The following SCAPER variants were observed in gnomAD, a reference collection of about 807,000 sequenced individuals.
SCAPER encodes the protein S-phase cyclin A associated protein in the ER.
In SCAPER, 98 loss-of-function variants were observed where a neutral mutation model predicts 182.2. The ratio of observed to expected loss-of-function variants is 0.54; its 90% CI spans 0.46 to 0.64. The LOEUF is 0.64. Among genes scored for constraint, SCAPER ranks in the 30% least tolerant of loss-of-function variants. The probability of loss-of-function intolerance (pLI) is 0.00; values close to 1 mark genes in which losing one functional copy is unlikely to be tolerated. For synonymous variants in SCAPER, 605 were observed against 564.6 expected, an observed-to-expected ratio of 1.07 and a Z score of -1.01; for missense variants, 1,432 against 1,690.0, an observed-to-expected ratio of 0.85 and a Z score of 2.68.
At chr15:76,788,085 A>G (rs2064743892) in intron 8 of SCAPER, among the ~76,000 whole-genome samples, 1 of 152,240 alleles carries the variant, frequency 6.6e-6, no homozygotes, top group African/African-American at 2.4e-5. Context: ...ATCATGTTCA[A>G]CATCATTAGT....
Position 76,469,667 on chromosome 15 carries a change from A to G in SCAPER, c.3078+1545T>C, listed in dbSNP as rs79755949. Among the ~76,000 whole-genome samples the G allele has an allele frequency of 7.9e-3, 1,207 of 152,170 alleles. 5 individuals carry two copies. Among genetic ancestry groups the G allele is most frequent in the Middle Eastern group, 0.014 (4 of 294 alleles). ...ATGTCCCCCAACTTGGGTATGATAC[A>G]CCTAGGTCTGATTCTTGGCTTTCTG... On this transcript the variant is annotated intron_variant, in intron 25 of 31. Transcript: ENST00000563290.
intron 23 of SCAPER, among the ~76,000 whole-genome samples, chr15:76,554,301 T>A (rs933903786): frequency 6.6e-6 from 1 of 152,054 alleles, no homozygotes; most frequent in Non-Finnish European, 1.5e-5. Flanking sequence ...CATTAGAGAA[T>A]GAACAAAACC....
chr15:76,713,692 G>A (rs958400322), intron 17 of SCAPER, among the ~76,000 whole-genome samples: 2 of 151,818 alleles, frequency 1.3e-5, no homozygotes, highest in Non-Finnish European at 2.9e-5. Context: ...TGACGAGTTA[G>A]TGGGTGCAGC....
chr15:76,782,143 TC>T (rs142670942), intron 8 of SCAPER, among the ~76,000 whole-genome samples: 167 of 152,086 alleles, frequency 1.1e-3, no homozygotes, highest in Non-Finnish European at 2.2e-3. Flanking sequence ...AGGAGACCCA[TC>T]TCATGTGCAG....
intron 25 of SCAPER, among the ~76,000 whole-genome samples, chr15:76,453,912 C>T (rs2048545277): frequency 6.6e-6 from 1 of 152,164 alleles, no homozygotes; most frequent in Admixed American, 6.5e-5. Context: ...GATCAGTTAT[C>T]ATCTGTGTCT....
intron 24 of SCAPER, among the ~76,000 whole-genome samples, chr15:76,478,952 A>G (rs1259759685): frequency 6.6e-6 from 1 of 152,120 alleles, no homozygotes; most frequent in Non-Finnish European, 1.5e-5. Context: ...GTTTTATTCA[A>G]TGGAATTCCT....
At chr15:76,726,156 A>ATATATAATATATATATATAT (rs56986282) in intron 17 of SCAPER, among the ~76,000 whole-genome samples, 1 of 79,724 alleles carries the variant, frequency 1.3e-5, no homozygotes, top group Non-Finnish European at 2.3e-5. Context: ...TATATATATA[A>ATATATAATATATATATATAT]AAAACTCTAT....
chr15:76,891,721 T>C (rs1357963544), intron 1 of SCAPER, among the ~76,000 whole-genome samples: 2 of 152,170 alleles, frequency 1.3e-5, no homozygotes, highest in African/African-American at 4.8e-5. Flanking sequence ...ATCAATTTCA[T>C]GAAAATGGCC....
At chr15:76,641,700 C>A (rs2054119366) in intron 21 of SCAPER, among the ~76,000 whole-genome samples, 1 of 152,136 alleles carries the variant, frequency 6.6e-6, no homozygotes, top group Non-Finnish European at 1.5e-5. Flanking sequence ...GAAAAGGAGG[C>A]ACTGGGGGTC....
intron 17 of SCAPER, among the ~76,000 whole-genome samples, chr15:76,711,828 T>C (rs1193394628): frequency 2.0e-5 from 3 of 152,210 alleles, no homozygotes; most frequent in Non-Finnish European, 4.4e-5. Flanking sequence ...TTGTAGATTC[T>C]GGATATTAGC....
chr15:76,466,214 C>T (rs1422982504), intron 25 of SCAPER, among the ~76,000 whole-genome samples: 5 of 151,762 alleles, frequency 3.3e-5, no homozygotes, highest in Non-Finnish European at 7.4e-5. Flanking sequence ...AATGGGTTGG[C>T]TTGATGGTAT....
chr15:76,398,906 C>T (rs752521639), intron 27 of SCAPER, among the ~76,000 whole-genome samples: 12 of 152,192 alleles, frequency 7.9e-5, no homozygotes, highest in Non-Finnish European at 1.5e-4. Flanking sequence ...GTTAGGAATA[C>T]TGTAAATGAT....
At chr15:76,798,370 A>AG (rs1280670659) in intron 7 of SCAPER, among the ~76,000 whole-genome samples, 1 of 151,800 alleles carries the variant, frequency 6.6e-6, no homozygotes, top group African/African-American at 2.4e-5. Flanking sequence ...AAAAAAAAAA[A>AG]AAAAGAAAAG....
In SCAPER at chr15:76,775,126, T is replaced by A; in HGVS notation, c.773-9A>T. 6.4e-7 allele frequency: 1 copy of A among 1,571,020 alleles called. No individual in the cohort carries two copies. ...TTCAGCATCTTTCCGTTCTATGCAA[T>A]TAAAGTAAAAAACAAATCAAGATTT... On this transcript the variant is annotated splice_polypyrimidine_tract_variant and intron_variant, in intron 8 of 31. Coordinates refer to ENST00000563290, the MANE Select transcript of SCAPER (RefSeq NM_020843.4).
chr15:76,387,623 C>T (rs1282802269), intron 27 of SCAPER, among the ~76,000 whole-genome samples: 2 of 152,000 alleles, frequency 1.3e-5, no homozygotes, highest in African/African-American at 4.8e-5. Context: ...TGAAAAGAAA[C>T]CAGCAAAGGA....
intron 27 of SCAPER, among the ~76,000 whole-genome samples, chr15:76,395,361 C>T (rs922046091): frequency 6.6e-6 from 1 of 152,108 alleles, no homozygotes; most frequent in East Asian, 1.9e-4. Flanking sequence ...TGGGTATATA[C>T]CCAGCAGTGG....
chr15:76,414,181 C>G (rs1486120979), intron 26 of SCAPER, among the ~76,000 whole-genome samples: 1 of 152,088 alleles, frequency 6.6e-6, no homozygotes, highest in African/African-American at 2.4e-5. Context: ...ATAAAACAAG[C>G]TGGCAAGTAT....
intron 26 of SCAPER, among the ~76,000 whole-genome samples, chr15:76,413,985 T>C (rs2045480835): frequency 6.6e-6 from 1 of 152,182 alleles, no homozygotes; most frequent in South Asian, 2.1e-4. Flanking sequence ...TCTTGATAAG[T>C]TAATATGGCA....
Position 76,434,215 on chromosome 15 carries a change from A to C in SCAPER, c.3174T>G (p.Ala1058=). The change falls in exon 26 of 32, where the codon GCT becomes GCG. Residue 1058 remains alanine (A), a synonymous_variant. Coordinates refer to ENST00000563290, the MANE Select transcript of SCAPER (RefSeq NM_020843.4). The part of the protein sequence containing the change: ...GLTTGLLKVS[A]VVLGCLIANR... ...TGGCAATCAGGCAGCCCAAAACCAC[A>C]GCACTGACTTTGAGAAGTCCAGTTG... 1.2e-6 allele frequency: 2 copies of C among 1,613,992 alleles called. No individual in the cohort carries two copies. The highest frequency in any genetic ancestry group is 3.3e-5 in the Admixed American group (2 of 60,014).
Sources: gnomAD v4.1 joint callset for allele counts (sites outside exome capture counted in the v4.1 genomes callset) on GRCh38, gnomAD v4.1.1 for gene constraint, MANE v1.5 for transcripts, NCBI Gene and HGNC (gene_info 2026-07-23, HGNC 2026-07-21) for gene names.